The following VAMP5 variants were observed in gnomAD, a reference collection of about 807,000 sequenced individuals.
VAMP5 encodes the protein vesicle-associated membrane protein 5.
VAMP5 carries 10 observed loss-of-function variants against 8.1 expected under a neutral mutation model. The ratio of observed to expected loss-of-function variants is 1.23; its 90% CI spans 0.76 to 2.09. VAMP5 has a LOEUF of 2.09. Among genes scored for constraint, VAMP5 ranks in the 30% most tolerant of loss-of-function variants. VAMP5 has a pLI of 0.00. For missense variants in VAMP5, 135 were observed against 152.5 expected (o/e 0.89, Z 0.60); for synonymous variants, 62 against 60.6 (o/e 1.02, Z -0.11).
At chr2:85,588,065 C>T (rs536947983) in intron 1 of VAMP5, among the ~76,000 whole-genome samples, 1 of 152,310 alleles carries the variant, frequency 6.6e-6, no homozygotes, top group South Asian at 2.1e-4. Context: ...TCTTGGCTCA[C>T]TGCAGCCTCT....
rs4832178 is a variant in VAMP5 at position 85,592,923 on chromosome 2, A to T, written c.142-25A>T. ...GCCAAGAGGGTGCCAGCTAACTCCC[A>T]CTTTGTGTCTGGGGGTATCCGCAGA... On this transcript the variant is annotated intron_variant, in intron 2 of 2. Transcript: ENST00000306384. 6,201 of 1,612,574 alleles carry T rather than the reference A, an allele frequency of 3.8e-3. 382 individuals are homozygous for T. In the Admixed American group the frequency reaches 0.098, roughly 26 times the overall value.
At chr2:85,589,097 C>T (rs2104047761) in intron 1 of VAMP5, among the ~76,000 whole-genome samples, 1 of 152,286 alleles carries the variant, frequency 6.6e-6, no homozygotes, top group African/African-American at 2.4e-5. Context: ...CCATCCTGGG[C>T]AACATAGCAA....
intron 1 of VAMP5, among the ~76,000 whole-genome samples, chr2:85,585,476 G>T (rs1197673305): frequency 1.3e-5 from 2 of 152,240 alleles, no homozygotes; most frequent in African/African-American, 4.8e-5. Context: ...AGGAAGTGGG[G>T]CAGGAAGGTA....
chr2:85,591,924 G>A, intron 2 of VAMP5, 62 bp downstream of exon 2: 1 of 1,600,040 alleles, frequency 6.2e-7, no homozygotes, highest in African/African-American at 1.3e-5. Flanking sequence ...CTCTTGGGCT[G>A]TATTCAGGAT....
chr2:85,593,281 C>T lies in VAMP5; in HGVS notation c.*124C>T, dbSNP rs2104054753. 1 of 1,021,732 alleles carries T rather than the reference C, an allele frequency of 9.8e-7. No homozygotes were observed. The highest frequency in any genetic ancestry group is 1.4e-5 in the South Asian group (1 of 69,196). 63.3% of individuals were successfully genotyped at this position (1,021,732 alleles called of 1,614,324 possible). ...TGCCAAAGGGCAGCCCCAACATGTG[C>T]ACCCCTGCATTTCCTGTCATGCCAC... On this transcript the variant is annotated 3_prime_UTR_variant, in exon 3 of 3. Coordinates refer to ENST00000306384, the MANE Select transcript of VAMP5 (RefSeq NM_006634.3).
chr2:85,584,878 T>G (rs1480815076), intron 1 of VAMP5, among the ~76,000 whole-genome samples: 1 of 152,206 alleles, frequency 6.6e-6, no homozygotes, highest in South Asian at 2.1e-4. Context: ...GGGTCAGTAA[T>G]ACCTGCCTTG....
rs562311364 is a variant in VAMP5 at position 85,584,439 on chromosome 2, C to G, written c.-52C>G. The G allele has an allele frequency of 3.2e-6, 4 of 1,243,224 alleles. No individual in the cohort carries two copies. The African/African-American group carries it at 4.7e-5, about 14-fold the overall frequency. 77.0% of individuals were successfully genotyped at this position (1,243,224 alleles called of 1,614,324 possible). A position where few individuals can be genotyped will look rare whatever the true frequency, so the allele number is the denominator to read the frequency against. On this transcript the variant is annotated 5_prime_UTR_variant, in exon 1 of 3. Coordinates refer to ENST00000306384, the MANE Select transcript of VAMP5 (RefSeq NM_006634.3). Reference sequence around the variant, plus strand: ...CCTCCGGGGCCGCTGGCACTGCGGCCGCTCCGCAGGCAGAGAAGCCGGGAG... The same window carrying G: ...CCTCCGGGGCCGCTGGCACTGCGGCGGCTCCGCAGGCAGAGAAGCCGGGAG...
intron 2 of VAMP5, 95 bp downstream of exon 2, chr2:85,591,957 A>C: frequency 6.4e-7 from 1 of 1,559,910 alleles, no homozygotes; most frequent in Non-Finnish European, 8.7e-7. Context: ...GGTGGGGTTG[A>C]GGCCTTCTTG....
intron 1 of VAMP5, among the ~76,000 whole-genome samples, chr2:85,588,952 AT>A (rs1287809796): frequency 6.6e-6 from 1 of 151,994 alleles, no homozygotes; most frequent in Non-Finnish European, 1.5e-5. Flanking sequence ...ATTGTATTAC[AT>A]GTGTCTTTTC....
At chr2:85,588,245 A>G (rs747647678) in intron 1 of VAMP5, among the ~76,000 whole-genome samples, 50 of 152,180 alleles carry the variant, frequency 3.3e-4, no homozygotes, top group Non-Finnish European at 6.3e-4. Context: ...TGCCTGGCCC[A>G]GATGGTGTGG....
chr2:85,591,462 C>T, intron 1 of VAMP5: 1 of 449,084 alleles, frequency 2.2e-6, no homozygotes, highest in Non-Finnish European at 4.0e-6. Context: ...TTAGAGGAAG[C>T]TGAGGTGCTG....
chr2:85,588,096 TCTCCTGC>T (rs1672490418), intron 1 of VAMP5, among the ~76,000 whole-genome samples: 1 of 151,858 alleles, frequency 6.6e-6, no homozygotes, highest in South Asian at 2.1e-4. Flanking sequence ...TTCAAGCAAT[TCTCCTGC>T]CTCAGCCTCC....
In VAMP5 at chr2:85,586,992, G is replaced by A. The variant is rs569894440; in HGVS notation, c.3+2499G>A. Among the ~76,000 whole-genome samples, 391 of 151,388 alleles carry A rather than the reference G, an allele frequency of 2.6e-3. 1 individual carries two copies. The highest frequency in any genetic ancestry group is 9.1e-3 in the African/African-American group (377 of 41,314). ...CTGGAGGCTGAGGCAGGAGAATGGC[G>A]TGAACCCAGGAGGCAGAGCTTGCAG... On this transcript the variant is annotated intron_variant, in intron 1 of 2. Coordinates refer to ENST00000306384, the MANE Select transcript of VAMP5 (RefSeq NM_006634.3).
intron 1 of VAMP5, among the ~76,000 whole-genome samples, chr2:85,591,026 C>A (rs553875849): frequency 6.6e-6 from 1 of 152,276 alleles, no homozygotes; most frequent in African/African-American, 2.4e-5. Flanking sequence ...TAAGTTGGAC[C>A]CCAGTGAGGA....
At chr2:85,592,277 TGTAGA>T (rs1672552328) in intron 2 of VAMP5, among the ~76,000 whole-genome samples, 1 of 152,124 alleles carries the variant, frequency 6.6e-6, no homozygotes, top group African/African-American at 2.4e-5. Flanking sequence ...TTTGATTTTT[TGTAGA>T]GATGAGGTCT....
At chr2:85,588,389 C>T (rs1033255830) in intron 1 of VAMP5, among the ~76,000 whole-genome samples, 1 of 152,112 alleles carries the variant, frequency 6.6e-6, no homozygotes, top group Non-Finnish European at 1.5e-5. Flanking sequence ...GTGTAACTGC[C>T]ACTCTCTGGC....
rs1425335025 is a variant in VAMP5, at chr2:85,593,087, C to T, written c.281C>T (p.Pro94Leu). Residue 94 changes from proline (P) to leucine (L), a missense_variant, in exon 3 of 3, where the codon CCT becomes CTT. Coordinates refer to ENST00000306384, the MANE Select transcript of VAMP5 (RefSeq NM_006634.3). ...ATTGTGCTGCTGGTCGTCTTTCTCC[C>T]TCAGAGCAGTGACAGCAGTAGTGCC... ...ILIVLLVVFL[P>L]QSSDSSSAPR... 1 of 1,614,108 alleles carries T rather than the reference C, an allele frequency of 6.2e-7. No individual in the cohort carries two copies. Among genetic ancestry groups the T allele is most frequent in the African/African-American group, 1.3e-5 (1 of 74,934 alleles).
intron 1 of VAMP5, among the ~76,000 whole-genome samples, chr2:85,587,074 CA>C (rs1214917531): frequency 2.9e-3 from 392 of 133,650 alleles, no homozygotes; most frequent in African/African-American, 9.0e-3. Flanking sequence ...GACACCATCT[CA>C]AAAAAAAAAA....
intron 1 of VAMP5, among the ~76,000 whole-genome samples, chr2:85,589,391 G>A (rs919775488): frequency 3.9e-5 from 6 of 152,130 alleles, no homozygotes; most frequent in Non-Finnish European, 8.8e-5. Flanking sequence ...TGTTCTTTTA[G>A]GCCTGGGTCC....
Sources: gnomAD v4.1 joint callset for allele counts (sites outside exome capture counted in the v4.1 genomes callset) on GRCh38, gnomAD v4.1.1 for gene constraint, MANE v1.5 for transcripts, NCBI Gene and HGNC (gene_info 2026-07-23, HGNC 2026-07-21) for gene names.